The following GPC3 variants were observed in gnomAD, a reference collection of about 807,000 sequenced individuals.
GPC3 encodes glypican 3.
GPC3 carries 3 observed loss-of-function variants against 34.4 expected under a neutral mutation model. The observed-to-expected ratio is 0.09, with a 90% confidence interval of 0.04 to 0.23. The LOEUF (loss-of-function observed/expected upper bound fraction) is 0.23, where lower values mean the gene tolerates loss of function less well. Among genes scored for constraint, GPC3 ranks in the 10% least tolerant of loss-of-function variants. The pLI is 1.00. For missense variants in GPC3, 351 were observed against 445.6 expected (o/e 0.79, Z 1.91); for synonymous variants, 177 against 174.0 (o/e 1.02, Z -0.13).
chrX:133,913,053 C>CAA (rs1288887225), intron 2 of GPC3, among the ~76,000 whole-genome samples: 16 of 34,165 alleles, frequency 4.7e-4, no homozygotes, highest in African/African-American at 1.5e-3. Flanking sequence ...GACTCCGTCT[C>CAA]AAAAAAAAAA....
At chrX:133,852,621 G>A (rs2124560486) in intron 2 of GPC3, among the ~76,000 whole-genome samples, 1 of 111,638 alleles carries the variant, frequency 9.0e-6, no homozygotes, top group Non-Finnish European at 1.9e-5. Flanking sequence ...GCAGCATGCT[G>A]AAGTGGGAAT....
chrX:133,774,416 T>C lies in GPC3; in HGVS notation c.338-20240A>G, dbSNP rs944244220. On this transcript the variant is annotated intron_variant, in intron 2 of 7. Coordinates refer to ENST00000370818, the MANE Select transcript of GPC3 (RefSeq NM_004484.4). ...TGTAACCCATTTATAATGATACATA[T>C]AATTCATGAGGTGACAGATCCTCAT... Among the ~76,000 whole-genome samples, 3 of 111,376 alleles carry C rather than the reference T, an allele frequency of 2.7e-5. No homozygotes were observed. The Admixed American group carries it at 2.9e-4, about 11-fold the overall frequency.
chrX:133,630,602 A>C (rs188586341), intron 6 of GPC3, among the ~76,000 whole-genome samples: 2 of 111,505 alleles, frequency 1.8e-5, no homozygotes, highest in Non-Finnish European at 3.8e-5. Flanking sequence ...TAGTTTCTAA[A>C]TTTGAAGGCT....
intron 7 of GPC3, among the ~76,000 whole-genome samples, chrX:133,593,881 G>A (rs2069880981): frequency 9.0e-6 from 1 of 111,014 alleles, no homozygotes; most frequent in South Asian, 3.8e-4. Flanking sequence ...GATCACCTGA[G>A]GTCAGGGGTT....
chrX:133,805,628 G>A (rs971551503), intron 2 of GPC3, among the ~76,000 whole-genome samples: 4 of 112,115 alleles, frequency 3.6e-5, no homozygotes, highest in Non-Finnish European at 7.5e-5. Context: ...GCTAATTAAC[G>A]TGTATGACTT....
intron 4 of GPC3, among the ~76,000 whole-genome samples, chrX:133,695,242 T>G (rs138088972): frequency 0.014 from 1,520 of 111,767 alleles, 26 homozygotes; most frequent in African/African-American, 0.045. Flanking sequence ...GGGAACCACC[T>G]CCATGATTCA....
intron 6 of GPC3, among the ~76,000 whole-genome samples, chrX:133,606,632 C>T (rs1351159895): frequency 9.0e-6 from 1 of 110,825 alleles, no homozygotes; most frequent in African/African-American, 3.3e-5. Context: ...CTATATTGCC[C>T]AGGCTGGTTT....
At chrX:133,848,001 CT>C (rs1368674885) in intron 2 of GPC3, among the ~76,000 whole-genome samples, 1 of 111,964 alleles carries the variant, frequency 8.9e-6, no homozygotes, top group Non-Finnish European at 1.9e-5. Context: ...AATGCTGCCA[CT>C]TCAATGAAGG....
intron 2 of GPC3, among the ~76,000 whole-genome samples, chrX:133,922,050 G>T (rs2076251204): frequency 8.9e-6 from 1 of 112,379 alleles, no homozygotes; most frequent in Non-Finnish European, 1.9e-5. Flanking sequence ...TGCCCCATCT[G>T]GAACAGGAAC....
chrX:133,668,850 C>T (rs2070797463), intron 5 of GPC3, among the ~76,000 whole-genome samples: 1 of 111,560 alleles, frequency 9.0e-6, no homozygotes. Flanking sequence ...AACCACTATG[C>T]TGGTCTTGCT....
At chrX:133,644,478 G>A (rs1010669951) in intron 6 of GPC3, among the ~76,000 whole-genome samples, 2 of 111,638 alleles carry the variant, frequency 1.8e-5, no homozygotes, top group South Asian at 3.8e-4. Flanking sequence ...GGTGAAAAAT[G>A]TGATAATGTA....
intron 7 of GPC3, among the ~76,000 whole-genome samples, chrX:133,558,243 C>G (rs917284083): frequency 9.1e-6 from 1 of 110,033 alleles, no homozygotes; most frequent in South Asian, 3.9e-4. Flanking sequence ...TTCTTTTTTT[C>G]CTCAGTATGA....
Position 133,934,692 on chromosome X carries a change from AT to A in GPC3, c.337+18357del, listed in dbSNP as rs1166543990. Among the ~76,000 whole-genome samples, 250 of 88,727 alleles carry A rather than the reference AT, an allele frequency of 2.8e-3. 1 individual carries two copies. The highest frequency in any genetic ancestry group is 8.7e-3 in the African/African-American group (207 of 23,899). The allele number at this position is 88,727 out of a possible 115,157, so 77.0% of individuals were successfully genotyped here. A position where few individuals can be genotyped will look rare whatever the true frequency, so the allele number is the denominator to read the frequency against. On this transcript the variant is annotated intron_variant, in intron 2 of 7. Transcript: ENST00000370818. Reference sequence around the variant, plus strand: ...ACACTCAGCTAATTTTTTTTTTTGTATTTTTTTTTTTATAGAGACGGGGTTT... The same window carrying A: ...ACACTCAGCTAATTTTTTTTTTTGTATTTTTTTTTTATAGAGACGGGGTTT...
intron 5 of GPC3, among the ~76,000 whole-genome samples, chrX:133,682,461 G>A (rs1284841077): frequency 9.0e-6 from 1 of 111,236 alleles, no homozygotes; most frequent in Non-Finnish European, 1.9e-5. Flanking sequence ...CCTTTACTCT[G>A]GACATTTACA....
chrX:133,554,602 C>T (rs769896210), intron 7 of GPC3, among the ~76,000 whole-genome samples: 19 of 110,985 alleles, frequency 1.7e-4, no homozygotes, highest in Non-Finnish European at 2.6e-4. Flanking sequence ...CCTGAGTCAC[C>T]CCTGGTCACC....
At chrX:133,726,029 C>G (rs1327695219) in intron 3 of GPC3, among the ~76,000 whole-genome samples, 4 of 112,081 alleles carry the variant, frequency 3.6e-5, no homozygotes, top group Non-Finnish European at 7.5e-5. Context: ...CATAAACGCT[C>G]TATCTCCTAG....
At chrX:133,939,367 A>C (rs1195169305) in intron 2 of GPC3, among the ~76,000 whole-genome samples, 1 of 112,136 alleles carries the variant, frequency 8.9e-6, no homozygotes, top group East Asian at 2.8e-4. Flanking sequence ...AAATATTTCT[A>C]TTACTGTCTT....
chrX:133,918,125 A>T (rs1197802981), intron 2 of GPC3, among the ~76,000 whole-genome samples: 1 of 112,566 alleles, frequency 8.9e-6, no homozygotes, highest in Non-Finnish European at 1.9e-5. Context: ...CATATAAATA[A>T]AAAACTACCT....
intron 2 of GPC3, among the ~76,000 whole-genome samples, chrX:133,932,636 A>G (rs779884975): frequency 1.8e-5 from 2 of 111,843 alleles, no homozygotes; most frequent in East Asian, 5.6e-4. Flanking sequence ...TTTTCATAAA[A>G]CCAAATTAGA....
Sources: allele counts gnomAD v4.1 joint callset (sites outside exome capture counted in the v4.1 genomes callset), GRCh38; gene constraint gnomAD v4.1.1; transcripts MANE v1.5; gene names NCBI Gene and HGNC (gene_info 2026-07-23, HGNC 2026-07-21).